HDAC9: variants seen among roughly 807,000 people sequenced by gnomAD.
The protein encoded by HDAC9 is histone deacetylase 9.
In HDAC9, 41 loss-of-function variants were observed where a neutral mutation model predicts 139.4. The ratio of observed to expected loss-of-function variants is 0.29; its 90% CI spans 0.23 to 0.38. The LOEUF is 0.38. Ranked by LOEUF, HDAC9 falls within the 10% of genes least tolerant of loss-of-function variation. The probability of loss-of-function intolerance (pLI) is 1.00; values close to 1 mark genes in which losing one functional copy is unlikely to be tolerated. For synonymous variants in HDAC9, 517 were observed against 476.2 expected (o/e 1.09, Z -1.12); for missense variants, 1,147 against 1,297.0 (o/e 0.88, Z 1.78).
intron 3 of HDAC9, among the ~76,000 whole-genome samples, chr7:18,586,141 T>G (rs771834500): frequency 5.9e-5 from 9 of 152,142 alleles, no homozygotes; most frequent in Non-Finnish European, 1.3e-4. Context: ...TAGTTGACAA[T>G]TTGAGACTAA....
intron 13 of HDAC9, among the ~76,000 whole-genome samples, chr7:18,733,345 G>T (rs1786571320): frequency 6.7e-6 from 1 of 150,204 alleles, no homozygotes; most frequent in South Asian, 2.1e-4. Flanking sequence ...GTATGTGTGT[G>T]TGTATGTATG....
At chr7:18,874,833 T>C (rs1205578227) in intron 22 of HDAC9, among the ~76,000 whole-genome samples, 2 of 152,190 alleles carry the variant, frequency 1.3e-5, no homozygotes, top group African/African-American at 2.4e-5. Flanking sequence ...AGAAATCGTA[T>C]GCTTTTCAGG....
At chr7:18,905,096 G>A (rs921155733) in intron 22 of HDAC9, among the ~76,000 whole-genome samples, 6 of 150,264 alleles carry the variant, frequency 4.0e-5, no homozygotes, top group Non-Finnish European at 7.4e-5. Flanking sequence ...TGACCATGTT[G>A]GCCAGGTTGG....
intron 8 of HDAC9, among the ~76,000 whole-genome samples, chr7:18,641,724 C>G (rs917015548): frequency 1.3e-5 from 2 of 152,054 alleles, no homozygotes; most frequent in Non-Finnish European, 1.5e-5. Flanking sequence ...TTGGCTTTGT[C>G]TGAAAACACT....
At chr7:18,557,214 A>G (rs1819074649) in intron 2 of HDAC9, among the ~76,000 whole-genome samples, 1 of 152,054 alleles carries the variant, frequency 6.6e-6, no homozygotes, top group Admixed American at 6.5e-5. Context: ...TTATTTCAAC[A>G]ATCTAGATCT....
intron 1 of HDAC9, among the ~76,000 whole-genome samples, chr7:18,460,404 A>G (rs1050970221): frequency 6.6e-6 from 1 of 152,186 alleles, no homozygotes. Context: ...TTGTAGAATT[A>G]TGGTAAATAG....
intron 11 of HDAC9, among the ~76,000 whole-genome samples, chr7:18,662,719 G>A (rs1388681837): frequency 6.6e-6 from 1 of 152,050 alleles, no homozygotes; most frequent in Non-Finnish European, 1.5e-5. Flanking sequence ...AGCAGGGAGT[G>A]AGGAAAAGGG....
chr7:18,786,585 GCTTCCTTCCTTCCTTCCTTCCTTC>G lies in HDAC9; in HGVS notation c.2215-6750_2215-6727del, dbSNP rs34314311. ...CACACCTCTTGGGTATGGCTGGCTGGCTTCCTTCCTTCCTTCCTTCCTTCCTTCCTTCCCTCCCTCCCTCCTTCC... is the reference window on the plus strand; with the variant it reads ...CACACCTCTTGGGTATGGCTGGCTGGCTTCCTTCCCTCCCTCCCTCCTTCC... On this transcript the variant is annotated intron_variant, in intron 16 of 25. Coordinates refer to ENST00000686413, the MANE Select transcript of HDAC9 (RefSeq NM_178425.4). 8.3e-3 allele frequency among the ~76,000 whole-genome samples: 441 copies of G among 53,296 alleles called. 41 individuals are homozygous for G. The highest frequency in any genetic ancestry group is 0.025 in the African/African-American group (407 of 16,030). The allele number at this position is 53,296 out of a possible 152,430, so 35.0% of individuals were successfully genotyped here. A position where few individuals can be genotyped will look rare whatever the true frequency, so the allele number is the denominator to read the frequency against.
intron 2 of HDAC9, among the ~76,000 whole-genome samples, chr7:18,216,472 T>C (rs572861320): frequency 6.6e-6 from 1 of 152,298 alleles, no homozygotes; most frequent in East Asian, 1.9e-4. Context: ...GAAACAACTC[T>C]GCTAAATGTT....
chr7:18,145,019 A>G (rs1423883491), intron 1 of HDAC9, among the ~76,000 whole-genome samples: 1 of 152,210 alleles, frequency 6.6e-6, no homozygotes, highest in Non-Finnish European at 1.5e-5. Flanking sequence ...CTAGCCACAA[A>G]GACTTAAGTT....
At chr7:18,746,631 T>G (rs1424062354) in intron 13 of HDAC9, among the ~76,000 whole-genome samples, 1 of 152,192 alleles carries the variant, frequency 6.6e-6, no homozygotes, top group Non-Finnish European at 1.5e-5. Context: ...ACCAATTAAT[T>G]CATTGAGGAA....
At chr7:18,971,454 C>T (rs912943319) in intron 24 of HDAC9, among the ~76,000 whole-genome samples, 2 of 152,128 alleles carry the variant, frequency 1.3e-5, no homozygotes, top group African/African-American at 4.8e-5. Flanking sequence ...GTTCATTTCT[C>T]GTATGTGATA....
At chr7:18,246,092 C>G (rs1794504242) in intron 2 of HDAC9, among the ~76,000 whole-genome samples, 1 of 148,306 alleles carries the variant, frequency 6.7e-6, no homozygotes, top group East Asian at 2.0e-4. Flanking sequence ...AGACAATAAT[C>G]AATGAATTTA....
intron 17 of HDAC9, among the ~76,000 whole-genome samples, chr7:18,817,127 G>C (rs1962774): frequency 0.041 from 6,133 of 150,818 alleles, 421 homozygotes; most frequent in African/African-American, 0.14. Flanking sequence ...CTCCGCCTCC[G>C]GGGTTCACGC....
intron 17 of HDAC9, 76 bp downstream of exon 17, chr7:18,793,528 C>T (rs905236936): frequency 2.3e-5 from 22 of 963,754 alleles, no homozygotes; most frequent in Middle Eastern, 2.1e-4. Context: ...GTGGGAATTG[C>T]GGGGAGTGTG....
chr7:18,915,405 G>T (rs188656117), intron 22 of HDAC9, among the ~76,000 whole-genome samples: 1 of 151,362 alleles, frequency 6.6e-6, no homozygotes, highest in Admixed American at 6.6e-5. Flanking sequence ...TCAGAAAACC[G>T]CAACAAACTA....
intron 1 of HDAC9, among the ~76,000 whole-genome samples, chr7:18,107,496 T>C (rs796161247): frequency 4.6e-5 from 7 of 151,830 alleles, no homozygotes; most frequent in African/African-American, 1.7e-4. Context: ...TACAACTTGA[T>C]CTCTTTCTTG....
chr7:18,118,297 T>C lies in HDAC9; in HGVS notation c.-97+31084T>C, dbSNP rs924098750. Among the ~76,000 whole-genome samples the C allele has an allele frequency of 2.0e-5, 3 of 152,322 alleles. No individual in the cohort carries two copies. The East Asian group carries it at 5.8e-4, about 29-fold the overall frequency. On this transcript the variant is annotated intron_variant, in intron 1 of 12. Coordinates refer to the HDAC9 transcript ENST00000417496. ...AGAACTGGAATATTGTCAGTCCTTA[T>C]GGTTCCTTGATGGGAAATATAGCAG...
At chr7:18,319,897 A>G (rs566532951) in intron 1 of HDAC9, among the ~76,000 whole-genome samples, 1 of 152,038 alleles carries the variant, frequency 6.6e-6, no homozygotes, top group African/African-American at 2.4e-5. Flanking sequence ...GAGTGAGAAA[A>G]GTAATTTTCT....
Sources: gnomAD v4.1 joint callset for allele counts (sites outside exome capture counted in the v4.1 genomes callset) on GRCh38, gnomAD v4.1.1 for gene constraint, MANE v1.5 for transcripts, NCBI Gene and HGNC (gene_info 2026-07-23, HGNC 2026-07-21) for gene names.